The following VPS13D variants were observed in gnomAD, a reference collection of about 807,000 sequenced individuals.
The protein encoded by VPS13D is vacuolar protein sorting 13 homolog D.
VPS13D carries 187 observed loss-of-function variants against 461.9 expected under a neutral mutation model. The ratio of observed to expected loss-of-function variants is 0.40; its 90% CI spans 0.36 to 0.46. The LOEUF is 0.46. Ranked by LOEUF, VPS13D falls within the 20% of genes least tolerant of loss-of-function variation. The pLI, the probability that VPS13D is intolerant of heterozygous loss-of-function variation, is 0.60. For synonymous variants in VPS13D, 1,951 were observed against 1,986.3 expected (o/e 0.98, Z 0.47); for missense variants, 4,711 against 5,364.9 (o/e 0.88, Z 3.81).
intron 27 of VPS13D, among the ~76,000 whole-genome samples, chr1:12,310,985 C>T (rs1642732039): frequency 6.6e-6 from 1 of 151,860 alleles, no homozygotes; most frequent in African/African-American, 2.4e-5. Flanking sequence ...GGCACGATCA[C>T]AGCTTACTGC....
intron 54 of VPS13D, among the ~76,000 whole-genome samples, chr1:12,370,063 A>G (rs1181001031): frequency 6.6e-6 from 1 of 152,094 alleles, no homozygotes; most frequent in Non-Finnish European, 1.5e-5. Context: ...CTCTCCTCCC[A>G]CCATCCCATT....
At position 12,456,116 on chromosome 1, in the gene VPS13D, A is replaced by G. The variant is rs1163018376; in HGVS notation, c.12452A>G (p.His4151Arg). The G allele has an allele frequency of 1.2e-6, 2 of 1,612,830 alleles. No homozygotes were observed. Among genetic ancestry groups the G allele is most frequent in the Non-Finnish European group, 1.7e-6 (2 of 1,179,486 alleles). ...GGTGAACACCTTGTAGCCGGCATCC[A>G]TGGCCTGGCTCATGGTAAGTCATGG... ...TSGEHLVAGI[H>R]GLAHGIIGGL... The change falls in exon 66 of 70, where the codon CAT becomes CGT. Residue 4151 changes from histidine (H) to arginine (R), a missense_variant. His to Arg is a conservative substitution (Grantham distance 29, BLOSUM62 0). Around this residue, in one of 3 missense-constraint regions of VPS13D, gnomAD observed 106 missense variants for 206.2 expected, o/e 0.51. Coordinates refer to ENST00000620676, the MANE Select transcript of VPS13D (RefSeq NM_015378.4).
At position 12,277,102 on chromosome 1, in the gene VPS13D, A is replaced by G. The variant is rs779408675; in HGVS notation, c.3514A>G (p.Arg1172Gly). Residue 1172 changes from arginine to glycine, a missense_variant, in exon 19 of 70, where the codon AGG becomes GGG. This residue lies in a region of VPS13D where 4,411 missense variants were observed against 4,937.8 expected (regional missense o/e 0.89). Coordinates refer to ENST00000620676, the MANE Select transcript of VPS13D (RefSeq NM_015378.4). ...QNTEVAVEIH[R>G]LNLLLLRTVG... ...CACTGAGGTTGCAGTGGAAATCCAT[A>G]GGCTGAACTTACTGCTTCTTCGGAC... The G allele has an allele frequency of 1.2e-6, 2 of 1,614,188 alleles. No homozygotes were observed. The highest frequency in any genetic ancestry group is 1.7e-6 in the Non-Finnish European group (2 of 1,180,042).
At position 12,283,378 on chromosome 1, in the gene VPS13D, C is replaced by G. The variant is rs1480730797; in HGVS notation, c.5276C>G (p.Pro1759Arg). The change falls in exon 21 of 70, where the codon CCC (proline) becomes CGC (arginine). Residue 1759 changes from proline to arginine, a missense_variant. Transcript: ENST00000620676. ...KQKEVQDKDY[P>R]LTPPPSPTVD... ...AAGGAAGTCCAAGACAAGGACTATC[C>G]CTTGACCCCACCTCCTTCTCCAACA... 2 of 1,614,000 alleles carry G rather than the reference C, an allele frequency of 1.2e-6. No individual in the cohort carries two copies. The highest frequency in any genetic ancestry group is 1.7e-6 in the Non-Finnish European group (2 of 1,180,016).
At chr1:12,329,533 C>T (rs895971609) in intron 36 of VPS13D, among the ~76,000 whole-genome samples, 1 of 152,120 alleles carries the variant, frequency 6.6e-6, no homozygotes, top group African/African-American at 2.4e-5. Context: ...TTTATGTTCC[C>T]ACAGGCTTCA....
chr1:12,270,714 C>T (rs1194474902), intron 16 of VPS13D, among the ~76,000 whole-genome samples: 1 of 151,928 alleles, frequency 6.6e-6, no homozygotes, highest in Non-Finnish European at 1.5e-5. Flanking sequence ...ACTGTTGTTA[C>T]TGATTTGTTT....
chr1:12,280,852 C>T (rs888141120), intron 20 of VPS13D, among the ~76,000 whole-genome samples: 6 of 151,812 alleles, frequency 4.0e-5, no homozygotes, highest in Admixed American at 1.3e-4. Flanking sequence ...ATCTTAAAAA[C>T]GTTATTGTAG....
intron 67 of VPS13D, among the ~76,000 whole-genome samples, chr1:12,466,571 A>G (rs914365756): frequency 3.3e-5 from 5 of 152,200 alleles, no homozygotes; most frequent in Non-Finnish European, 7.3e-5. Flanking sequence ...AAGATCTGAT[A>G]TGTTATCCTG....
Position 12,299,421 on chromosome 1 carries a change from T to C in VPS13D, c.6216+37T>C, listed in dbSNP as rs746481278. 1 of 1,558,272 alleles carries C rather than the reference T, an allele frequency of 6.4e-7. No individual in the cohort carries two copies. The highest frequency in any genetic ancestry group is 8.6e-7 in the Non-Finnish European group (1 of 1,157,154). Reference sequence around the variant, plus strand: ...GTATCCATTTCCTTTTCCGTTCAGCTAGTATTTGATCACTAATTGAAAAAT... The same window carrying C: ...GTATCCATTTCCTTTTCCGTTCAGCCAGTATTTGATCACTAATTGAAAAAT... On this transcript the variant is annotated intron_variant, in intron 25 of 69. Coordinates refer to ENST00000620676, the MANE Select transcript of VPS13D (RefSeq NM_015378.4). The surrounding 1 kb of genome is among the most constrained non-coding windows in gnomAD (Gnocchi z 4.2).
intron 27 of VPS13D, among the ~76,000 whole-genome samples, chr1:12,310,837 TTCCCTCCTTCCC>T (rs1642723088): frequency 2.2e-5 from 2 of 89,214 alleles, no homozygotes; most frequent in Admixed American, 3.0e-4. Context: ...CCTTCCTTCC[TTCCCTCCTTCCC>T]TCCTTCCTTC....
At chr1:12,275,276 A>G (rs1207640997) in intron 18 of VPS13D, among the ~76,000 whole-genome samples, 5 of 151,892 alleles carry the variant, frequency 3.3e-5, no homozygotes, top group Admixed American at 6.6e-5. Flanking sequence ...TTAGCCGGGC[A>G]TGGTGGTACA....
At chr1:12,262,707 CTT>C (rs1466311010) in intron 13 of VPS13D, among the ~76,000 whole-genome samples, 21 of 143,280 alleles carry the variant, frequency 1.5e-4, no homozygotes, top group Non-Finnish European at 1.7e-4. Flanking sequence ...TATTTTCTTT[CTT>C]TTTTTTTTTT....
chr1:12,296,171 C>A, intron 24 of VPS13D, among the ~76,000 whole-genome samples: 1 of 152,156 alleles, frequency 6.6e-6, no homozygotes, highest in East Asian at 1.9e-4. Context: ...TCTCTGATCT[C>A]TGAGATACCT....
At chr1:12,407,455 G>A (rs1434406744) in intron 63 of VPS13D, 1 of 152,214 alleles carries the variant, frequency 6.6e-6, no homozygotes, top group Non-Finnish European at 1.5e-5. Flanking sequence ...ACACAAGATT[G>A]CCTTCTCCAA....
intron 67 of VPS13D, among the ~76,000 whole-genome samples, chr1:12,493,420 T>G (rs945388178): frequency 4.6e-5 from 7 of 150,848 alleles, no homozygotes; most frequent in Non-Finnish European, 8.8e-5. Context: ...GAGGCAGAGC[T>G]TGCAGTGAGC....
chr1:12,253,741 A>G lies in VPS13D; in HGVS notation c.584A>G (p.Lys195Arg), dbSNP rs1419273759. The change falls in exon 7 of 70, where the codon AAA (lysine) becomes AGA (arginine). Residue 195 changes from lysine (K) to arginine (R), a missense_variant. Lys to Arg is a conservative substitution (Grantham distance 26). Around this residue, in one of 3 missense-constraint regions of VPS13D, gnomAD observed 4,411 missense variants for 4,937.8 expected, o/e 0.89. Coordinates refer to ENST00000620676, the MANE Select transcript of VPS13D (RefSeq NM_015378.4). ...VNEPVQKLMR[K>R]KQLDVAEFSI... ...CCTCAGGTACAGAAACTAATGCGGAAAAAGCAATTAGACGTAGCAGAATTT... is the reference window on the plus strand; with the variant it reads ...CCTCAGGTACAGAAACTAATGCGGAGAAAGCAATTAGACGTAGCAGAATTT... 2 of 1,614,166 alleles carry G rather than the reference A, an allele frequency of 1.2e-6. No individual in the cohort carries two copies. The highest frequency in any genetic ancestry group is 8.5e-7 in the Non-Finnish European group (1 of 1,179,996).
chr1:12,448,344 T>A (rs1217023246), intron 65 of VPS13D, among the ~76,000 whole-genome samples: 1 of 152,222 alleles, frequency 6.6e-6, no homozygotes, highest in African/African-American at 2.4e-5. Context: ...AGGCACAAGC[T>A]ATTTATGCAA....
At chr1:12,455,966 A>G (rs1645321258) in intron 65 of VPS13D, 32 bp from the exon 66 acceptor site, 1 of 1,575,426 alleles carries the variant, frequency 6.3e-7, no homozygotes, top group Non-Finnish European at 8.6e-7. Flanking sequence ...CCAAGACTTT[A>G]AAACTCTTCT....
At chr1:12,246,769 G>A (rs570679814) in intron 5 of VPS13D, among the ~76,000 whole-genome samples, 11 of 152,114 alleles carry the variant, frequency 7.2e-5, no homozygotes, top group African/African-American at 2.4e-4. Flanking sequence ...ACATGGCCTC[G>A]GGCTGCCAGA....
Sources: gnomAD v4.1 joint callset for allele counts (sites outside exome capture counted in the v4.1 genomes callset) on GRCh38, gnomAD v4.1.1 for gene constraint, gnomAD v4.1.1 regional missense constraint, Gnocchi (gnomAD v3.1) non-coding constraint, MANE v1.5 for transcripts, NCBI Gene and HGNC (gene_info 2026-07-23, HGNC 2026-07-21) for gene names.